The following PTPRD variants were observed in gnomAD, a reference collection of about 807,000 sequenced individuals.
PTPRD encodes protein tyrosine phosphatase receptor type D.
A neutral mutation model predicts 214.5 loss-of-function variants in PTPRD; 34 were observed. The ratio of observed to expected loss-of-function variants is 0.16; its 90% confidence interval spans 0.12 to 0.21. The LOEUF is 0.21. PTPRD is among the 10% of genes least tolerant of loss of function. The pLI is 1.00. For missense variants in PTPRD, 2,545 were observed against 2,398.7 expected (o/e 1.06, Z -1.27); for synonymous variants, 1,128 against 845.7 (o/e 1.33, Z -5.79).
intron 9 of PTPRD, among the ~76,000 whole-genome samples, chr9:9,386,808 G>A (rs975282594): frequency 6.6e-6 from 1 of 152,162 alleles, no homozygotes; most frequent in Non-Finnish European, 1.5e-5. Context: ...TAGGTCTGAG[G>A]CTTCATGGAC....
At chr9:9,446,349 C>A (rs919249538) in intron 8 of PTPRD, among the ~76,000 whole-genome samples, 10 of 152,088 alleles carry the variant, frequency 6.6e-5, no homozygotes, top group Non-Finnish European at 1.2e-4. Flanking sequence ...AGAGAGGATA[C>A]CTTATGTTCC....
intron 12 of PTPRD, among the ~76,000 whole-genome samples, chr9:8,655,905 T>A (rs943840843): frequency 1.3e-5 from 2 of 152,162 alleles, no homozygotes; most frequent in African/African-American, 4.8e-5. Context: ...GGCCATGACC[T>A]TGTTCGAGAA....
At chr9:9,780,597 G>T (rs1293571521) in intron 5 of PTPRD, among the ~76,000 whole-genome samples, 1 of 152,086 alleles carries the variant, frequency 6.6e-6, no homozygotes, top group East Asian at 1.9e-4. Flanking sequence ...GTATAATAAT[G>T]CAAAAATGGC....
chr9:9,659,751 ATCTCATCAC>A (rs1198964834), intron 7 of PTPRD, among the ~76,000 whole-genome samples: 14 of 152,106 alleles, frequency 9.2e-5, no homozygotes, highest in African/African-American at 3.4e-4. Flanking sequence ...AGGTGATTCA[ATCTCATCAC>A]AAGCAAACAA....
At chr9:9,071,545 C>G (rs1031080760) in intron 10 of PTPRD, among the ~76,000 whole-genome samples, 1 of 152,118 alleles carries the variant, frequency 6.6e-6, no homozygotes, top group Non-Finnish European at 1.5e-5. Flanking sequence ...CCCCTGGGAA[C>G]TATGGATGGC....
At chr9:10,571,903 G>A (rs1000742062) in intron 2 of PTPRD, among the ~76,000 whole-genome samples, 5 of 152,102 alleles carry the variant, frequency 3.3e-5, no homozygotes, top group African/African-American at 4.8e-5. Flanking sequence ...AGGCTTGCTC[G>A]CCCACTACTC....
chr9:9,280,209 G>T (rs62535762), intron 9 of PTPRD, among the ~76,000 whole-genome samples: 20,084 of 151,130 alleles, frequency 0.13, 1,645 homozygotes, highest in Middle Eastern at 0.2. Flanking sequence ...GACTTAAGTG[G>T]AGAATCCATA....
At chr9:9,768,982 C>A (rs544224256) in intron 5 of PTPRD, among the ~76,000 whole-genome samples, 5 of 152,090 alleles carry the variant, frequency 3.3e-5, no homozygotes, top group African/African-American at 1.2e-4. Context: ...CTGATAGGCA[C>A]ATACACCCTA....
chr9:9,960,402 T>A (rs539328490), intron 4 of PTPRD, among the ~76,000 whole-genome samples: 5 of 152,098 alleles, frequency 3.3e-5, no homozygotes, highest in African/African-American at 4.8e-5. Flanking sequence ...GGAGCGTAAC[T>A]TTCCACTCCT....
intron 35 of PTPRD, among the ~76,000 whole-genome samples, chr9:8,422,327 A>C (rs2094424809): frequency 1.3e-5 from 2 of 152,062 alleles, no homozygotes; most frequent in Non-Finnish European, 2.9e-5. Context: ...AATGTTTATA[A>C]TTTGGGTTCT....
chr9:8,356,173 G>A (rs1025024815), intron 39 of PTPRD, among the ~76,000 whole-genome samples: 4 of 152,024 alleles, frequency 2.6e-5, no homozygotes, highest in Admixed American at 2.0e-4. Flanking sequence ...GAATTATCTT[G>A]TAATAAAACT....
At chr9:10,242,919 G>T in intron 3 of PTPRD, among the ~76,000 whole-genome samples, 1 of 151,104 alleles carries the variant, frequency 6.6e-6, no homozygotes, top group Non-Finnish European at 1.5e-5. Context: ...AAAAAGGAAG[G>T]GAAGAGAGGG....
intron 11 of PTPRD, among the ~76,000 whole-genome samples, chr9:8,875,541 T>C (rs1354887638): frequency 6.6e-6 from 1 of 152,122 alleles, no homozygotes; most frequent in African/African-American, 2.4e-5. Flanking sequence ...ATTACAACTA[T>C]TTATAACCTT....
intron 7 of PTPRD, among the ~76,000 whole-genome samples, chr9:9,598,018 C>T (rs1472102505): frequency 6.6e-6 from 1 of 151,846 alleles, no homozygotes; most frequent in Non-Finnish European, 1.5e-5. Flanking sequence ...GACCTTTTTC[C>T]TGCAAACTGT....
At chr9:8,935,255 G>C (rs1158303042) in intron 11 of PTPRD, among the ~76,000 whole-genome samples, 1 of 152,058 alleles carries the variant, frequency 6.6e-6, no homozygotes, top group East Asian at 1.9e-4. Context: ...ATTCAGTAAA[G>C]TTGCAGAATA....
intron 25 of PTPRD, among the ~76,000 whole-genome samples, chr9:8,498,243 A>G (rs898109087): frequency 6.6e-6 from 1 of 152,142 alleles, no homozygotes; most frequent in African/African-American, 2.4e-5. Context: ...CCTTAGAGGC[A>G]CAGGGATATT....
chr9:9,527,766 T>G (rs1337598480), intron 8 of PTPRD, among the ~76,000 whole-genome samples: 1 of 152,158 alleles, frequency 6.6e-6, no homozygotes, highest in Non-Finnish European at 1.5e-5. Context: ...AATTGGGAAA[T>G]TTTATATAAA....
rs77727762 is a variant in PTPRD at position 10,546,321 on chromosome 9, C to T, written c.-600+66077G>A. ...TATTATCTTAACATTTTCCTCATGT[C>T]TCCATGAAGGAACCAGTAGTTCTAG... On this transcript the variant is annotated intron_variant, in intron 2 of 45. Coordinates refer to ENST00000381196, the MANE Select transcript of PTPRD (RefSeq NM_002839.4). Among the ~76,000 whole-genome samples the T allele has an allele frequency of 8.4e-4, 128 of 151,966 alleles. 1 individual carries two copies. Among genetic ancestry groups the T allele is most frequent in the African/African-American group, 2.7e-3 (111 of 41,452 alleles).
Position 8,629,149 on chromosome 9 carries a change from C to G in PTPRD, c.352+4168G>C, listed in dbSNP as rs59491055. On this transcript the variant is annotated intron_variant, in intron 14 of 45. Coordinates refer to ENST00000381196, the MANE Select transcript of PTPRD (RefSeq NM_002839.4). ...ATTCTAAGTTCAAGAAACATGATGA[C>G]ATTTAGTAAGATGCTTAGATTCAAA... 6.2e-3 allele frequency among the ~76,000 whole-genome samples: 945 copies of G among 151,854 alleles called. 10 individuals carry two copies. The highest frequency in any genetic ancestry group is 0.021 in the African/African-American group (868 of 41,482).
Sources: allele counts gnomAD v4.1 joint callset (sites outside exome capture counted in the v4.1 genomes callset), GRCh38; gene constraint gnomAD v4.1.1; transcripts MANE v1.5; gene names NCBI Gene and HGNC (gene_info 2026-07-23, HGNC 2026-07-21).